The following CARM1 variants were observed in gnomAD, a reference collection of about 807,000 sequenced individuals.
The protein encoded by CARM1 is coactivator associated arginine methyltransferase 1.
In CARM1, 14 loss-of-function variants were observed where a neutral mutation model predicts 72.7. The observed-to-expected ratio is 0.19, with a 90% CI of 0.13 to 0.30. The LOEUF (loss-of-function observed/expected upper bound fraction) is 0.30. Among genes scored for constraint, CARM1 ranks in the 10% least tolerant of loss-of-function variants. The pLI is 1.00. For missense variants in CARM1, 432 were observed against 833.7 expected (o/e 0.52, Z 5.93); for synonymous variants, 333 against 345.5 (o/e 0.96, Z 0.40).
At position 10,872,165 on chromosome 19, in the gene CARM1, G is replaced by T. The variant is rs926470941; in HGVS notation, c.220+243G>T. On this transcript the variant is annotated intron_variant, in intron 1 of 15. Transcript: ENST00000327064. ...AGTGAGCAAGGGAGCGCGAAATGGG[G>T]AGTGAAGGGCCTGAGATTTGGGAGG... 6.4e-4 allele frequency among the ~76,000 whole-genome samples: 97 copies of T among 152,114 alleles called. 2 individuals carry two copies. Among genetic ancestry groups the T allele is most frequent in the African/African-American group, 2.3e-3 (96 of 41,524 alleles).
chr19:10,898,178 A>G (rs555580620), intron 1 of CARM1, among the ~76,000 whole-genome samples: 9 of 150,678 alleles, frequency 6.0e-5, no homozygotes, highest in Non-Finnish European at 1.2e-4. Context: ...GTGGTGGTGC[A>G]TGCCTGTAAT....
In CARM1 at chr19:10,908,083, A is replaced by G; in HGVS notation, c.391A>G (p.Thr131Ala). The change falls in exon 3 of 16, where the codon ACC becomes GCC. Residue 131 changes from threonine (T) to alanine (A), a missense_variant. Physicochemically the swap from Thr to Ala is moderately conservative, Grantham distance 58. Coordinates refer to ENST00000327064, the MANE Select transcript of CARM1 (RefSeq NM_199141.2). Reference sequence around the variant, plus strand: ...CATCCTGAAAACCTGCCGGGGCCACACCCTGGAGCGGTCTGTGTTCAGCGA... The same window carrying G: ...CATCCTGAAAACCTGCCGGGGCCACGCCCTGGAGCGGTCTGTGTTCAGCGA... ...YNILKTCRGHTLERSVFSERT... is the reference protein window; with the variant it reads ...YNILKTCRGHALERSVFSERT... 1.2e-6 allele frequency: 2 copies of G among 1,613,902 alleles called. No individual in the cohort carries two copies. The highest frequency in any genetic ancestry group is 1.7e-6 in the Non-Finnish European group (2 of 1,179,938).
At chr19:10,889,624 T>C (rs569947337) in intron 1 of CARM1, among the ~76,000 whole-genome samples, 66 of 152,046 alleles carry the variant, frequency 4.3e-4, no homozygotes, top group Middle Eastern at 6.8e-3. Flanking sequence ...CTACCATGCC[T>C]GGCCCAGAAT....
intron 1 of CARM1, among the ~76,000 whole-genome samples, chr19:10,878,379 A>G (rs2073878630): frequency 6.6e-6 from 1 of 152,210 alleles, no homozygotes; most frequent in Non-Finnish European, 1.5e-5. Context: ...GGCCCCAGCC[A>G]AAAGAGAAAC....
Position 10,896,934 on chromosome 19 carries a change from G to A in CARM1, c.221-8017G>A, listed in dbSNP as rs1343038775. On this transcript the variant is annotated intron_variant, in intron 1 of 15. Transcript: ENST00000327064. This position sits in a 1 kb window ranked among gnomAD's most constrained non-coding sequence, Gnocchi z 5.2. ...TCTGCTCTGCACCTGTAATCCTTCC[G>A]GGTTTTGCAAATGAAGCTTTATGGG... is the stretch of plus-strand genomic sequence containing the variant. Among the ~76,000 whole-genome samples the A allele has an allele frequency of 6.6e-6, 1 of 152,184 alleles. No homozygotes were observed. The highest frequency in any genetic ancestry group is 2.4e-5 in the African/African-American group (1 of 41,448).
At position 10,922,007 on chromosome 19, in the gene CARM1, C is replaced by G. The variant is rs1229216384; in HGVS notation, c.*250C>G. On this transcript the variant is annotated 3_prime_UTR_variant, in exon 16 of 16. Coordinates refer to ENST00000327064, the MANE Select transcript of CARM1 (RefSeq NM_199141.2). Reference sequence around the variant, plus strand: ...TCATGTTGTGGGAGCCCTCGTCCCCCCTCCTGCCCGCTCTACCCTGACCTG... The same window carrying G: ...TCATGTTGTGGGAGCCCTCGTCCCCGCTCCTGCCCGCTCTACCCTGACCTG... 2 of 410,814 alleles carry G rather than the reference C, an allele frequency of 4.9e-6. No homozygotes were observed. The highest frequency in any genetic ancestry group is 2.1e-5 in the African/African-American group (1 of 48,048). 25.4% of individuals were successfully genotyped at this position (410,814 alleles called of 1,614,324 possible). A position where few individuals can be genotyped will look rare whatever the true frequency, so the allele number is the denominator to read the frequency against.
At chr19:10,882,947 G>C (rs1396875770) in intron 1 of CARM1, among the ~76,000 whole-genome samples, 1 of 152,122 alleles carries the variant, frequency 6.6e-6, no homozygotes, top group African/African-American at 2.4e-5. Context: ...AGGAGAGGTA[G>C]GGGAGAGGCT....
chr19:10,880,665 G>A (rs527428217), intron 1 of CARM1, among the ~76,000 whole-genome samples: 2 of 152,264 alleles, frequency 1.3e-5, no homozygotes, highest in East Asian at 3.9e-4. Flanking sequence ...CCAGAGCTCG[G>A]GTTCTTAATC....
intron 8 of CARM1, 61 bp from the exon 9 acceptor site, chr19:10,919,534 C>A: frequency 3.3e-6 from 4 of 1,229,364 alleles, no homozygotes; most frequent in South Asian, 1.3e-5. Context: ...AGGGGCAGGG[C>A]TCTCCCCTCC....
At chr19:10,919,500 G>C in intron 8 of CARM1, 95 bp from the exon 9 acceptor site, 1 of 893,512 alleles carries the variant, frequency 1.1e-6, no homozygotes, top group Non-Finnish European at 1.8e-6. Context: ...GCACAGCCTA[G>C]AAGCCGTGGG....
Position 10,912,169 on chromosome 19 carries a change from C to T in CARM1, c.559-15C>T, listed in dbSNP as rs1310337013. The T allele has an allele frequency of 2.5e-6, 4 of 1,605,716 alleles. No individual in the cohort carries two copies. The highest frequency in any genetic ancestry group is 3.4e-6 in the Non-Finnish European group (4 of 1,172,420). ...GCCTCCTATGTCTCGCTCTCACCTC[C>T]CACTCCTCCCTCAGATCGTTCTTGA... On this transcript the variant is annotated splice_polypyrimidine_tract_variant and intron_variant, in intron 4 of 15. Coordinates refer to ENST00000327064, the MANE Select transcript of CARM1 (RefSeq NM_199141.2). This position sits in a 1 kb window ranked among gnomAD's most constrained non-coding sequence, Gnocchi z 4.5.
intron 14 of CARM1, 66 bp from the exon 15 acceptor site, chr19:10,921,309 A>G: frequency 1.3e-6 from 2 of 1,568,832 alleles, no homozygotes; most frequent in South Asian, 1.1e-5. Context: ...GCTGCTGTGC[A>G]TGGGCTGGGT....
At chr19:10,897,318 G>A (rs1450174010) in intron 1 of CARM1, among the ~76,000 whole-genome samples, 2 of 152,194 alleles carry the variant, frequency 1.3e-5, no homozygotes, top group East Asian at 3.9e-4. Context: ...AACAGAGCCT[G>A]GCTGTTAGAG....
At chr19:10,900,873 C>T (rs886475017) in intron 1 of CARM1, among the ~76,000 whole-genome samples, 12 of 151,596 alleles carry the variant, frequency 7.9e-5, no homozygotes, top group Non-Finnish European at 1.2e-4. Context: ...TTAGTAGAGA[C>T]GGGGTTTCAC....
chr19:10,888,586 T>A (rs2073958431), intron 1 of CARM1, among the ~76,000 whole-genome samples: 1 of 152,136 alleles, frequency 6.6e-6, no homozygotes, highest in South Asian at 2.1e-4. Flanking sequence ...GCAGACAGCA[T>A]GTGGAGCGAG....
rs1173687968 is a variant in CARM1 at position 10,912,559 on chromosome 19, C to T, written c.669+265C>T. On this transcript the variant is annotated intron_variant, in intron 5 of 15. Coordinates refer to ENST00000327064, the MANE Select transcript of CARM1 (RefSeq NM_199141.2). This position sits in a 1 kb window ranked among gnomAD's most constrained non-coding sequence, Gnocchi z 4.5. ...CACTGAAACCTTCATTCACAAAGTT[C>T]AAAACATAAAAGCTAAAAAAGAGCA... Among the ~76,000 whole-genome samples, 2 of 149,974 alleles carry T rather than the reference C, an allele frequency of 1.3e-5. No individual in the cohort carries two copies. The highest frequency in any genetic ancestry group is 2.1e-4 in the South Asian group (1 of 4,770).
chr19:10,886,936 C>G (rs2073946605), intron 1 of CARM1, among the ~76,000 whole-genome samples: 1 of 152,228 alleles, frequency 6.6e-6, no homozygotes, highest in Non-Finnish European at 1.5e-5. Context: ...CCTCCTGCCT[C>G]AGCATTCTGA....
At position 10,921,275 on chromosome 19, in the gene CARM1, C is replaced by T. The variant is rs2074244986; in HGVS notation, c.1616-100C>T. The T allele has an allele frequency of 2.7e-6, 4 of 1,486,758 alleles. No homozygotes were observed. The South Asian group carries it at 3.4e-5, about 13-fold the overall frequency. The allele number at this position is 1,486,758 out of a possible 1,614,324, so 92.1% of individuals were successfully genotyped here. On this transcript the variant is annotated intron_variant, in intron 14 of 15. Transcript: ENST00000327064. ...GGGGCTCTCGGCCGAGGCTCTCCGT[C>T]CTCTCTGCCTCGCTCTGCAGCCTGC...
At chr19:10,898,548 C>A (rs2074040313) in intron 1 of CARM1, among the ~76,000 whole-genome samples, 1 of 152,248 alleles carries the variant, frequency 6.6e-6, no homozygotes, top group South Asian at 2.1e-4. Flanking sequence ...TGGGGTCCTG[C>A]CCCCTTCCGC....
Sources: gnomAD v4.1 joint callset for allele counts (sites outside exome capture counted in the v4.1 genomes callset) on GRCh38, gnomAD v4.1.1 for gene constraint, Gnocchi (gnomAD v3.1) non-coding constraint, MANE v1.5 for transcripts, NCBI Gene and HGNC (gene_info 2026-07-23, HGNC 2026-07-21) for gene names.